The following MTCH1 variants were observed in gnomAD, a reference collection of about 807,000 sequenced individuals.
MTCH1 encodes the protein mitochondrial carrier 1, also known as mitochondrial carrier homolog 1.
In MTCH1, 23 loss-of-function variants were observed where a neutral mutation model predicts 49.3. The observed-to-expected ratio is 0.47, with a 90% CI of 0.34 to 0.66. The LOEUF is 0.66. MTCH1 is among the 30% of genes least tolerant of loss of function. MTCH1 has a pLI of 0.01. For missense variants in MTCH1, 397 were observed against 532.1 expected, an observed-to-expected ratio of 0.75 and a Z score of 2.50; for synonymous variants, 229 against 215.2, an observed-to-expected ratio of 1.06 and a Z score of -0.56.
chr6:36,985,777 G>A, intron 1 of MTCH1, 76 bp downstream of exon 1: 1 of 504,576 alleles, frequency 2.0e-6, no homozygotes, highest in Non-Finnish European at 2.6e-6. Flanking sequence ...TTGACTGCCC[G>A]CCCCAATCCT....
chr6:36,978,481 G>A (rs1339494673), intron 3 of MTCH1, 24 bp downstream of exon 3: 2 of 1,610,248 alleles, frequency 1.2e-6, no homozygotes, highest in Admixed American at 1.7e-5. Flanking sequence ...TCGGGCGACT[G>A]TTCCTGGCTT....
intron 2 of MTCH1, among the ~76,000 whole-genome samples, chr6:36,980,117 A>G (rs1392822695): frequency 2.6e-5 from 4 of 152,144 alleles, no homozygotes; most frequent in African/African-American, 7.2e-5. Context: ...CCCCTCTCTG[A>G]CTCCAGAGTA....
rs776194400 is a variant in MTCH1 at position 36,968,792 on chromosome 6, CTGGAGCACATCTGGTTGTTGTTGGG to C, written c.*86_*110del. ...AATATGGAACTGAAGCCCGGCTGGG[CTGGAGCACATCTGGTTGTTGTTGGG>C]TTGGAGTCGTCTTGCAGGTGTCCCA... On this transcript the variant is annotated 3_prime_UTR_variant, in exon 12 of 12. Coordinates refer to ENST00000373627, the MANE Select transcript of MTCH1 (RefSeq NM_001271641.2). The C allele has an allele frequency of 5.9e-6, 9 of 1,521,130 alleles. No homozygotes were observed. Among genetic ancestry groups the C allele is most frequent in the Non-Finnish European group, 7.2e-6 (8 of 1,105,196 alleles). 94.2% of individuals were successfully genotyped at this position (1,521,130 alleles called of 1,614,324 possible).
intron 1 of MTCH1, 29 bp from the exon 2 acceptor site, chr6:36,981,701 C>T (rs763252627): frequency 1.3e-6 from 2 of 1,594,284 alleles, no homozygotes; most frequent in Middle Eastern, 1.7e-4. Context: ...CAAAGGGACG[C>T]TCAGAGTCTC....
intron 2 of MTCH1, among the ~76,000 whole-genome samples, chr6:36,978,844 A>ATATTTTCT (rs1032850613): frequency 1.7e-5 from 2 of 117,578 alleles, no homozygotes; most frequent in African/African-American, 6.6e-5. Flanking sequence ...ACAAGTTCAT[A>ATATTTTCT]TATTTTCTTC....
rs1170856846 is a variant in MTCH1, at chr6:36,986,120, C to A, written c.54G>T (p.Gly18=). The A allele has an allele frequency of 1.4e-6, 2 of 1,432,266 alleles. No individual in the cohort carries two copies. Among genetic ancestry groups the A allele is most frequent in the Admixed American group, 3.2e-5 (1 of 30,890 alleles). The allele number at this position is 1,432,266 out of a possible 1,614,324, so 88.7% of individuals were successfully genotyped here. Residue 18 remains glycine (G), a synonymous_variant, in exon 1 of 12, where the codon GGG becomes GGT. Coordinates refer to ENST00000373627, the MANE Select transcript of MTCH1 (RefSeq NM_001271641.2). ...CGGCTCCAGCTCCGGCTCCCGCCAT[C>A]CCCGCGGCACCGCCGCGAGCCCAGG... The part of the protein sequence containing the change: ...VAPWARGGAA[G]MAGAGAGAGA...
intron 3 of MTCH1, 29 bp from the exon 4 acceptor site, chr6:36,978,184 T>G: frequency 6.4e-7 from 1 of 1,568,430 alleles, no homozygotes; most frequent in Non-Finnish European, 8.8e-7. Context: ...AGAACCAAGT[T>G]CAGCTACGCC....
At chr6:36,969,774 T>C in intron 11 of MTCH1, 1 of 1,368,624 alleles carries the variant, frequency 7.3e-7, no homozygotes. Context: ...CTTATCCTTA[T>C]CCTAAGAGTC....
chr6:36,975,478 GAA>G (rs1163689350), intron 7 of MTCH1, among the ~76,000 whole-genome samples, 178 bp downstream of exon 7: 1 of 152,218 alleles, frequency 6.6e-6, no homozygotes, highest in African/African-American at 2.4e-5. Flanking sequence ...GCCATGGCCT[GAA>G]AAGGGCTAAG....
At position 36,986,066 on chromosome 6, in the gene MTCH1, G is replaced by C; in HGVS notation, c.108C>G (p.Val36=). 6.9e-7 allele frequency: 1 copy of C among 1,444,012 alleles called. No individual in the cohort carries two copies. Among genetic ancestry groups the C allele is most frequent in the Non-Finnish European group, 9.0e-7 (1 of 1,108,708 alleles). 89.4% of individuals were successfully genotyped at this position (1,444,012 alleles called of 1,614,324 possible). Residue 36 remains valine (V), a synonymous_variant, in exon 1 of 12, where the codon GTC becomes GTG. Coordinates refer to ENST00000373627, the MANE Select transcript of MTCH1 (RefSeq NM_001271641.2). ...AGARGGAAAG[V]EARARDPPPA... ...GCGGTGGATCGCGAGCTCGAGCCTC[G>C]ACCCCCGCCGCCGCTCCGCCGCGAG... is the stretch of plus-strand genomic sequence containing the variant.
chr6:36,975,700 A>G lies in MTCH1; in HGVS notation c.719T>C (p.Ile240Thr), dbSNP rs771813210. 16 of 1,613,976 alleles carry G rather than the reference A, an allele frequency of 9.9e-6. No homozygotes were observed. In the East Asian group the frequency reaches 1.8e-4, roughly 18 times the overall value. The change falls in exon 7 of 12, where the codon ATT (isoleucine) becomes ACT (threonine). Residue 240 changes from isoleucine (I) to threonine (T), a missense_variant. Ile to Thr is a moderately conservative substitution (Grantham distance 89, BLOSUM62 -1). Transcript: ENST00000373627. Reference protein sequence around the residue: ...EAKYSGVLSSIGKIFKEEGLL... With the variant: ...EAKYSGVLSSTGKIFKEEGLL... ...CCCTTCCTCTTTGAAAATCTTCCCA[A>G]TGGAGCTCAGCACACCACTGTGAAG...
In MTCH1 at chr6:36,977,594, C is replaced by G. The variant is rs1361272254; in HGVS notation, c.649+40G>C. ...CGCCCCTCACCCCACGCCCCCGACG[C>G]CAGCTTAGATACAGTCTCGGGGGAA... On this transcript the variant is annotated intron_variant, in intron 5 of 11. Transcript: ENST00000373627. The surrounding 1 kb of genome is among the most constrained non-coding windows in gnomAD (Gnocchi z 5.4). 1 of 1,490,168 alleles carries G rather than the reference C, an allele frequency of 6.7e-7. No individual in the cohort carries two copies. Among genetic ancestry groups the G allele is most frequent in the Non-Finnish European group, 9.3e-7 (1 of 1,079,670 alleles). 92.3% of individuals were successfully genotyped at this position (1,490,168 alleles called of 1,614,324 possible). A position where few individuals can be genotyped will look rare whatever the true frequency, so the allele number is the denominator to read the frequency against.
intron 8 of MTCH1, 31 bp from the exon 9 acceptor site, chr6:36,970,725 C>T: frequency 1.9e-6 from 3 of 1,610,666 alleles, no homozygotes; most frequent in Non-Finnish European, 2.5e-6. Context: ...AGTGGTTTGC[C>T]ACAGGCACCT....
intron 7 of MTCH1, among the ~76,000 whole-genome samples, chr6:36,974,136 ATG>A (rs1188930851): frequency 6.6e-6 from 1 of 152,098 alleles, no homozygotes; most frequent in Admixed American, 6.5e-5. Flanking sequence ...ACATACATAT[ATG>A]TGTGTGTGTG....
chr6:36,982,599 G>C lies in MTCH1; in HGVS notation c.322-927C>G, dbSNP rs1009107775. On this transcript the variant is annotated intron_variant, in intron 1 of 11. Coordinates refer to ENST00000373627, the MANE Select transcript of MTCH1 (RefSeq NM_001271641.2). This position sits in a 1 kb window ranked among gnomAD's most constrained non-coding sequence, Gnocchi z 4.1. ...AGACGGGGTTTCTCCATGTTGGTCA[G>C]GCTGGTCTCGAACTCCCGACCTCAG... Among the ~76,000 whole-genome samples, 2 of 152,174 alleles carry C rather than the reference G, an allele frequency of 1.3e-5. No individual in the cohort carries two copies. Among genetic ancestry groups the C allele is most frequent in the Non-Finnish European group, 2.9e-5 (2 of 68,028 alleles).
At position 36,979,923 on chromosome 6, in the gene MTCH1, C is replaced by G. The variant is rs113460519; in HGVS notation, c.407-1312G>C. ...GAGCGGAGGGAGGCGTGCTGAAATG[C>G]CTGCAGGGGCCTCTGTGGGTCCCAG... On this transcript the variant is annotated intron_variant, in intron 2 of 11. Transcript: ENST00000373627. 8.7e-3 allele frequency among the ~76,000 whole-genome samples: 1,320 copies of G among 152,268 alleles called. 23 individuals are homozygous for G. Among genetic ancestry groups the G allele is most frequent in the African/African-American group, 0.029 (1,223 of 41,538 alleles).
Position 36,977,343 on chromosome 6 carries a change from G to A in MTCH1, c.650-93C>T. ...GGGTGCCAGGTGCAGAGTGGCCACT[G>A]AACAACGTGGCCTATTCAGAGAGCA... On this transcript the variant is annotated intron_variant, in intron 5 of 11. Transcript: ENST00000373627. This position sits in a 1 kb window ranked among gnomAD's most constrained non-coding sequence, Gnocchi z 5.4. 3.0e-6 allele frequency: 4 copies of A among 1,331,616 alleles called. No individual in the cohort carries two copies. The highest frequency in any genetic ancestry group is 4.3e-6 in the Non-Finnish European group (4 of 932,318). The allele number at this position is 1,331,616 out of a possible 1,614,324, so 82.5% of individuals were successfully genotyped here.
At chr6:36,983,363 C>T (rs543493327) in intron 1 of MTCH1, among the ~76,000 whole-genome samples, 4 of 152,294 alleles carry the variant, frequency 2.6e-5, no homozygotes, top group Middle Eastern at 3.4e-3. Flanking sequence ...CACTCCAAAT[C>T]GCCACAACTG....
Position 36,972,648 on chromosome 6 carries a change from C to T in MTCH1, c.906+4G>A. ...AAGAAGGACAAGTCCTTGTTCCAACCAACCTGGGAACCTGGATTCTGGTCG... is the reference window on the plus strand; with the variant it reads ...AAGAAGGACAAGTCCTTGTTCCAACTAACCTGGGAACCTGGATTCTGGTCG... On this transcript the variant is annotated splice_donor_region_variant and intron_variant, in intron 8 of 11. Coordinates refer to ENST00000373627, the MANE Select transcript of MTCH1 (RefSeq NM_001271641.2). The surrounding 1 kb of genome is among the most constrained non-coding windows in gnomAD (Gnocchi z 4.1). The T allele has an allele frequency of 6.5e-7, 1 of 1,549,704 alleles. No homozygotes were observed. Among genetic ancestry groups the T allele is most frequent in the Non-Finnish European group, 8.7e-7 (1 of 1,145,324 alleles).
Sources: gnomAD v4.1 joint callset for allele counts (sites outside exome capture counted in the v4.1 genomes callset) on GRCh38, gnomAD v4.1.1 for gene constraint, Gnocchi (gnomAD v3.1) non-coding constraint, MANE v1.5 for transcripts, NCBI Gene and HGNC (gene_info 2026-07-23, HGNC 2026-07-21) for gene names.